Variants in AK9 observed in about 807,000 individuals in gnomAD.
AK9 encodes adenylate kinase 9, also known as adenylate kinase domain containing 1.
A neutral mutation model predicts 239.6 loss-of-function variants in AK9; 191 were observed. That is an observed-to-expected ratio of 0.80 (90% CI 0.71 to 0.90). The LOEUF (loss-of-function observed/expected upper bound fraction) is 0.90, where lower values mean the gene tolerates loss of function less well. AK9 is among the 40% of genes least tolerant of loss of function. The pLI, the probability that AK9 is intolerant of heterozygous loss-of-function variation, is 0.00. For synonymous variants in AK9, 689 were observed against 721.0 expected (o/e 0.96, Z 0.71); for missense variants, 1,995 against 2,214.7 (o/e 0.90, Z 1.99).
In AK9 at chr6:109,518,042, C is replaced by T. The variant is rs539975852; in HGVS notation, c.3634-1400G>A. On this transcript the variant is annotated intron_variant, in intron 29 of 40. Transcript: ENST00000424296. The stretch of plus-strand genomic sequence containing the variant: ...GCTCAACACTCCCTCCCTTGTGGCC[C>T]CTCTCCACTGTCTGCCTTCACATTG... 2.0e-5 allele frequency among the ~76,000 whole-genome samples: 3 copies of T among 152,242 alleles called. No individual in the cohort carries two copies. The South Asian group carries it at 6.2e-4, about 32-fold the overall frequency.
Position 109,573,528 on chromosome 6 carries a change from T to C in AK9, c.2258A>G (p.Glu753Gly). The C allele has an allele frequency of 6.4e-7, 1 of 1,551,344 alleles. No homozygotes were observed. Among genetic ancestry groups the C allele is most frequent in the South Asian group, 1.2e-5 (1 of 84,016 alleles). ...TCGGGTATCGTGAGATGCCTCAGGC[T>C]CTTCGTGAACTTCCAACTCATCACC... is the stretch of plus-strand genomic sequence containing the variant. Reference protein sequence around the residue: ...IEGDELEVHEEPEASHDTRGS... With the variant: ...IEGDELEVHEGPEASHDTRGS... The change falls in exon 21 of 41, where the codon GAG (glutamate) becomes GGG (glycine). Residue 753 changes from glutamate (E) to glycine (G), a missense_variant. Physicochemically the swap from Glu to Gly is moderately conservative, Grantham distance 98. Transcript: ENST00000424296.
At chr6:109,511,517 C>T (rs1778747366) in intron 32 of AK9, among the ~76,000 whole-genome samples, 2 of 152,296 alleles carry the variant, frequency 1.3e-5, no homozygotes, top group Admixed American at 1.3e-4. Flanking sequence ...TGAAAGAAGA[C>T]TCACACTGGC....
chr6:109,671,104 C>T (rs1770819246), intron 5 of AK9, among the ~76,000 whole-genome samples: 1 of 152,120 alleles, frequency 6.6e-6, no homozygotes. Flanking sequence ...CCAGTAAATA[C>T]AGTTTGACAA....
At chr6:109,534,028 A>G (rs1008379297) in intron 27 of AK9, among the ~76,000 whole-genome samples, 1 of 152,002 alleles carries the variant, frequency 6.6e-6, no homozygotes, top group Non-Finnish European at 1.5e-5. Flanking sequence ...CTTTCATGAG[A>G]CAACTCATAC....
chr6:109,548,145 A>T (rs118106449), intron 25 of AK9, among the ~76,000 whole-genome samples: 321 of 152,342 alleles, frequency 2.1e-3, no homozygotes, highest in Non-Finnish European at 3.2e-3. Context: ...TATGGAAAAC[A>T]GTATGGAATT....
At chr6:109,531,155 TAG>T (rs1350722956) in intron 28 of AK9, among the ~76,000 whole-genome samples, 3 of 152,118 alleles carry the variant, frequency 2.0e-5, no homozygotes, top group Non-Finnish European at 4.4e-5. Context: ...AGAAAAAAAT[TAG>T]AGAATTTGGG....
chr6:109,636,628 C>T (rs943767225), intron 10 of AK9, among the ~76,000 whole-genome samples: 4 of 150,262 alleles, frequency 2.7e-5, no homozygotes, highest in Non-Finnish European at 3.0e-5. Flanking sequence ...CTGTGTATCT[C>T]GTATAAGTGG....
intron 29 of AK9, among the ~76,000 whole-genome samples, chr6:109,524,825 C>A (rs1780269818): frequency 6.6e-6 from 1 of 151,996 alleles, no homozygotes; most frequent in African/African-American, 2.4e-5. Context: ...ATGGGTGGGG[C>A]AAATGGAGCT....
chr6:109,639,501 T>A (rs2128283986), intron 10 of AK9, among the ~76,000 whole-genome samples: 1 of 152,350 alleles, frequency 6.6e-6, no homozygotes, highest in African/African-American at 2.4e-5. Flanking sequence ...ATGGGGTTGT[T>A]TTTTTCTTGT....
intron 21 of AK9, among the ~76,000 whole-genome samples, chr6:109,567,395 C>T (rs913301095): frequency 2.0e-5 from 3 of 152,074 alleles, no homozygotes; most frequent in Non-Finnish European, 2.9e-5. Flanking sequence ...AGCTGAATCC[C>T]TGAATAGACC....
At chr6:109,656,638 C>T (rs1348599045) in intron 8 of AK9, 118 bp downstream of exon 8, 1 of 1,182,598 alleles carries the variant, frequency 8.5e-7, no homozygotes, top group Non-Finnish European at 1.2e-6. Flanking sequence ...TTCTACAAAG[C>T]TCAAGGGGAG....
intron 17 of AK9, among the ~76,000 whole-genome samples, chr6:109,597,678 A>AT: frequency 1.2e-5 from 1 of 80,938 alleles, no homozygotes; most frequent in South Asian, 7.6e-4. Context: ...GTCTCAAAAA[A>AT]AATTTTTTTT....
intron 35 of AK9, among the ~76,000 whole-genome samples, chr6:109,501,972 C>G (rs1028648599): frequency 6.6e-6 from 1 of 152,198 alleles, no homozygotes; most frequent in Non-Finnish European, 1.5e-5. Flanking sequence ...TGTCACTTAA[C>G]ATTCCCAATT....
rs559828241 is a variant in AK9 at position 109,670,249 on chromosome 6, T to C, written c.331+1670A>G. ...TATCTATGAGGTAATTAATGAAATC[T>C]AGTAGATGATATCAAGGAATAACAA... is the stretch of plus-strand genomic sequence containing the variant. On this transcript the variant is annotated intron_variant, in intron 5 of 40. Coordinates refer to ENST00000424296, the MANE Select transcript of AK9 (RefSeq NM_001145128.3). 3.9e-5 allele frequency among the ~76,000 whole-genome samples: 6 copies of C among 152,336 alleles called. No homozygotes were observed. The South Asian group carries it at 1.2e-3, about 32-fold the overall frequency.
At chr6:109,580,396 A>T (rs1415685999) in intron 19 of AK9, among the ~76,000 whole-genome samples, 2 of 152,182 alleles carry the variant, frequency 1.3e-5, no homozygotes, top group African/African-American at 2.4e-5. Flanking sequence ...TTGATCTAGA[A>T]ATCTATATCT....
At position 109,645,118 on chromosome 6, in the gene AK9, G is replaced by A. The variant is rs574493859; in HGVS notation, c.760-430C>T. Among the ~76,000 whole-genome samples, 70 of 152,250 alleles carry A rather than the reference G, an allele frequency of 4.6e-4. 1 individual carries two copies. In the South Asian group the frequency reaches 8.3e-3, roughly 18 times the overall value. On this transcript the variant is annotated intron_variant, in intron 8 of 40. Transcript: ENST00000424296. Reference sequence around the variant, plus strand: ...AAGATGGCCAAATAGGAACAGTTCCGGTCTACAGCTCCCAGCGTGATCGAT... The same window carrying A: ...AAGATGGCCAAATAGGAACAGTTCCAGTCTACAGCTCCCAGCGTGATCGAT...
intron 8 of AK9, among the ~76,000 whole-genome samples, chr6:109,654,858 G>T (rs1279418884): frequency 1.3e-5 from 2 of 152,150 alleles, no homozygotes; most frequent in Non-Finnish European, 2.9e-5. Context: ...TGCTTTCCTT[G>T]TATCTCTTGG....
At chr6:109,528,506 T>C (rs1780797125) in intron 29 of AK9, 1 of 452,130 alleles carries the variant, frequency 2.2e-6, no homozygotes, top group Non-Finnish European at 4.5e-6. Flanking sequence ...GTGCCATAAT[T>C]TTCTCAGTCC....
intron 17 of AK9, among the ~76,000 whole-genome samples, chr6:109,597,061 T>G (rs1791134094): frequency 6.6e-6 from 1 of 152,198 alleles, no homozygotes; most frequent in African/African-American, 2.4e-5. Context: ...AAAATCTTTA[T>G]TTTACTAACA....
Sources: allele counts gnomAD v4.1 joint callset (sites outside exome capture counted in the v4.1 genomes callset), GRCh38; gene constraint gnomAD v4.1.1; transcripts MANE v1.5; gene names NCBI Gene and HGNC (gene_info 2026-07-23, HGNC 2026-07-21).